FAM229B: variants seen among roughly 807,000 people sequenced by gnomAD.
FAM229B encodes the protein protein FAM229B.
A neutral mutation model predicts 6.7 loss-of-function variants in FAM229B; 2 were observed. That is an observed-to-expected ratio of 0.30 (90% CI 0.12 to 0.94). The LOEUF is 0.94. Ranked by LOEUF, FAM229B falls within the 40% of genes least tolerant of loss-of-function variation. The pLI, the probability that FAM229B is intolerant of heterozygous loss-of-function variation, is 0.54. For synonymous variants in FAM229B, 29 were observed against 34.0 expected (o/e 0.85, Z 0.51); for missense variants, 93 against 96.2 (o/e 0.97, Z 0.14).
chr6:112,102,632 T>C lies in FAM229B; in HGVS notation c.*1845T>C, dbSNP rs1382241261. 1 of 152,166 alleles carries C rather than the reference T, an allele frequency of 6.6e-6. No homozygotes were observed. The highest frequency in any genetic ancestry group is 1.5e-5 in the Non-Finnish European group (1 of 68,046). 9.4% of individuals were successfully genotyped at this position (152,166 alleles called of 1,614,324 possible). A position where few individuals can be genotyped will look rare whatever the true frequency, so the allele number is the denominator to read the frequency against. On this transcript the variant is annotated 3_prime_UTR_variant, in exon 4 of 4. Coordinates refer to ENST00000368656, the MANE Select transcript of FAM229B (RefSeq NM_001033564.3). ...AATATTGGCAAAGTAGGGTTAGGGT[T>C]AGGTTAGGGAGATGGGAATAGACTG...
Position 112,100,957 on chromosome 6 carries a change from G to T in FAM229B, c.*170G>T. On this transcript the variant is annotated 3_prime_UTR_variant, in exon 4 of 4. Coordinates refer to ENST00000368656, the MANE Select transcript of FAM229B (RefSeq NM_001033564.3). ...ATGTAGTCAGTAAAGCACATGTAGT[G>T]ATAGGCTATCAGTTATGTCTGATAC... 1 of 587,694 alleles carries T rather than the reference G, an allele frequency of 1.7e-6. No homozygotes were observed. The highest frequency in any genetic ancestry group is 2.8e-5 in the East Asian group (1 of 35,460). 36.4% of individuals were successfully genotyped at this position (587,694 alleles called of 1,614,324 possible). A position where few individuals can be genotyped will look rare whatever the true frequency, so the allele number is the denominator to read the frequency against.
intron 1 of FAM229B, among the ~76,000 whole-genome samples, chr6:112,094,648 T>C (rs144102017): frequency 6.6e-6 from 1 of 152,348 alleles, no homozygotes; most frequent in Admixed American, 6.5e-5. Flanking sequence ...TAATCTTTTA[T>C]CTTTAACACT....
chr6:112,088,512 C>T (rs587727047), intron 1 of FAM229B, among the ~76,000 whole-genome samples: 2 of 152,072 alleles, frequency 1.3e-5, no homozygotes, highest in South Asian at 4.2e-4. Flanking sequence ...TGAATATGTG[C>T]TAATATGAAC....
At chr6:112,091,421 G>C (rs1258928699) in intron 1 of FAM229B, among the ~76,000 whole-genome samples, 1 of 152,104 alleles carries the variant, frequency 6.6e-6, no homozygotes, top group Non-Finnish European at 1.5e-5. Flanking sequence ...CATAGGGCTA[G>C]GACTAATTCA....
intron 1 of FAM229B, among the ~76,000 whole-genome samples, chr6:112,095,313 A>G (rs1562610271): frequency 6.6e-6 from 1 of 152,116 alleles, no homozygotes; most frequent in African/African-American, 2.4e-5. Flanking sequence ...ATTTGCTTAA[A>G]ATCTCAGAGC....
At chr6:112,100,457 G>C (rs1319676546) in intron 3 of FAM229B, among the ~76,000 whole-genome samples, 1 of 152,138 alleles carries the variant, frequency 6.6e-6, no homozygotes, top group Non-Finnish European at 1.5e-5. Flanking sequence ...AATTTCCTGT[G>C]ATTAAATATG....
At chr6:112,094,195 A>G (rs1400258947) in intron 1 of FAM229B, among the ~76,000 whole-genome samples, 2 of 152,172 alleles carry the variant, frequency 1.3e-5, no homozygotes, top group Non-Finnish European at 2.9e-5. Flanking sequence ...AAGAAAAGAA[A>G]TAATAAAGAT....
In FAM229B at chr6:112,099,450, C is replaced by G. The variant is rs1381298002; in HGVS notation, c.125+42C>G. On this transcript the variant is annotated intron_variant, in intron 3 of 3. Transcript: ENST00000368656. ...TCACAAGTGAGGAGATATGTATTGG[C>G]TATCATCAATACAACCTTCAGCTGA... The G allele has an allele frequency of 2.6e-6, 4 of 1,550,448 alleles. No individual in the cohort carries two copies. In the East Asian group the frequency reaches 9.1e-5, roughly 35 times the overall value.
At chr6:112,094,861 C>T (rs1267598782) in intron 1 of FAM229B, among the ~76,000 whole-genome samples, 1 of 152,132 alleles carries the variant, frequency 6.6e-6, no homozygotes, top group Admixed American at 6.5e-5. Context: ...GATACTTCAT[C>T]TTTTTATTCA....
chr6:112,090,266 C>T (rs1192210410), intron 1 of FAM229B, among the ~76,000 whole-genome samples: 1 of 152,196 alleles, frequency 6.6e-6, no homozygotes, highest in African/African-American at 2.4e-5. Context: ...TCTCATATAA[C>T]TTGACAAACA....
At chr6:112,093,990 C>CA (rs1290716964) in intron 1 of FAM229B, among the ~76,000 whole-genome samples, 21 of 150,750 alleles carry the variant, frequency 1.4e-4, no homozygotes, top group Admixed American at 6.6e-5. Flanking sequence ...GAAGAAAAAG[C>CA]AAAAAAATTT....
At position 112,102,730 on chromosome 6, in the gene FAM229B, T is replaced by C. The variant is rs1363016716; in HGVS notation, c.*1943T>C. The C allele has an allele frequency of 2.6e-5, 4 of 152,014 alleles. No homozygotes were observed. The highest frequency in any genetic ancestry group is 9.7e-5 in the African/African-American group (4 of 41,370). The allele number at this position is 152,014 out of a possible 1,614,324, so 9.4% of individuals were successfully genotyped here. On this transcript the variant is annotated 3_prime_UTR_variant, in exon 4 of 4. Transcript: ENST00000368656. Reference sequence around the variant, plus strand: ...AAGGATCAAACTGATTTCAAGTAACTTGAGTGCATCCAAGGGGAGAAAACC... The same window carrying C: ...AAGGATCAAACTGATTTCAAGTAACCTGAGTGCATCCAAGGGGAGAAAACC...
At chr6:112,098,337 A>G (rs1167877357) in intron 2 of FAM229B, among the ~76,000 whole-genome samples, 1 of 152,136 alleles carries the variant, frequency 6.6e-6, no homozygotes, top group Non-Finnish European at 1.5e-5. Flanking sequence ...GAGTTCATTT[A>G]TATGTGTTTG....
rs200443412 is a variant in FAM229B at position 112,099,317 on chromosome 6, T to C, written c.34T>C (p.Phe12Leu). The C allele has an allele frequency of 2.5e-6, 4 of 1,613,700 alleles. No individual in the cohort carries two copies. The highest frequency in any genetic ancestry group is 4.5e-5 in the East Asian group (2 of 44,856). Residue 12 changes from phenylalanine to leucine, a missense_variant, in exon 3 of 4, where the codon TTT becomes CTT. Phe to Leu is a conservative substitution (Grantham distance 22). Transcript: ENST00000368656. ...TCAATTTGGAACCCAGCCAAGGAGG[T>C]TTCCAGTGGAAGGAGGAGATTCTTC... ...PFQFGTQPRR[F>L]PVEGGDSSIE...
intron 1 of FAM229B, among the ~76,000 whole-genome samples, chr6:112,090,391 G>A (rs1777242219): frequency 6.6e-6 from 1 of 152,112 alleles, no homozygotes; most frequent in African/African-American, 2.4e-5. Flanking sequence ...TTCCCAATAG[G>A]TTTGTTCCTG....
chr6:112,098,395 A>G (rs1037406350), intron 2 of FAM229B, among the ~76,000 whole-genome samples: 1 of 152,156 alleles, frequency 6.6e-6, no homozygotes. Context: ...ACTTGCAGAC[A>G]TTTATATATA....
In FAM229B at chr6:112,099,336, A is replaced by G; in HGVS notation, c.53A>G (p.Asp18Gly). The G allele has an allele frequency of 6.2e-7, 1 of 1,613,932 alleles. No individual in the cohort carries two copies. Residue 18 changes from aspartate (D) to glycine (G), a missense_variant, in exon 3 of 4, where the codon GAT becomes GGT. By Grantham distance (94) the Asp-to-Gly change is moderately conservative. Coordinates refer to ENST00000368656, the MANE Select transcript of FAM229B (RefSeq NM_001033564.3). The part of the protein sequence containing the change: ...QPRRFPVEGG[D>G]SSIELEPGLS... ...AGGAGGTTTCCAGTGGAAGGAGGAG[A>G]TTCTTCAATTGAGCTGGAACCTGGG...
Position 112,101,999 on chromosome 6 carries a change from A to C in FAM229B, c.*1212A>C, listed in dbSNP as rs587713323. ...AAGAGATCCAAACTGGAGCTAGACTAAAGGCTAATGTATACCAATTTTAAG... is the reference window on the plus strand; with the variant it reads ...AAGAGATCCAAACTGGAGCTAGACTCAAGGCTAATGTATACCAATTTTAAG... On this transcript the variant is annotated 3_prime_UTR_variant, in exon 4 of 4. Transcript: ENST00000368656. The C allele has an allele frequency of 6.6e-6, 1 of 152,358 alleles. No individual in the cohort carries two copies. Among genetic ancestry groups the C allele is most frequent in the African/African-American group, 2.4e-5 (1 of 41,588 alleles). 9.4% of individuals were successfully genotyped at this position (152,358 alleles called of 1,614,324 possible). A position where few individuals can be genotyped will look rare whatever the true frequency, so the allele number is the denominator to read the frequency against.
At chr6:112,090,505 G>A (rs1354122556) in intron 1 of FAM229B, among the ~76,000 whole-genome samples, 3 of 152,160 alleles carry the variant, frequency 2.0e-5, no homozygotes, top group Non-Finnish European at 4.4e-5. Context: ...TTTTGTTATA[G>A]CGGTACCTAA....
Sources: allele counts gnomAD v4.1 joint callset (sites outside exome capture counted in the v4.1 genomes callset), GRCh38; gene constraint gnomAD v4.1.1; transcripts MANE v1.5; gene names NCBI Gene and HGNC (gene_info 2026-07-23, HGNC 2026-07-21).